The following SH3RF3 variants were observed in gnomAD, a reference collection of about 807,000 sequenced individuals.
The protein encoded by SH3RF3 is SH3 domain containing ring finger 3.
A neutral mutation model predicts 66.3 loss-of-function variants in SH3RF3; 29 were observed. The ratio of observed to expected loss-of-function variants is 0.44; its 90% CI spans 0.33 to 0.60. SH3RF3 has a LOEUF of 0.60. Among genes scored for constraint, SH3RF3 ranks in the 20% least tolerant of loss-of-function variants. SH3RF3 has a pLI of 0.04. For synonymous variants in SH3RF3, 583 were observed against 532.0 expected, an observed-to-expected ratio of 1.10 and a Z score of -1.32; for missense variants, 1,194 against 1,190.9, an observed-to-expected ratio of 1.00 and a Z score of -0.04.
chr2:109,475,781 T>G (rs775491601), intron 8 of SH3RF3, among the ~76,000 whole-genome samples: 1 of 152,242 alleles, frequency 6.6e-6, no homozygotes, highest in Admixed American at 6.5e-5. Context: ...TCACCCTGGT[T>G]GAATTCCTGG....
chr2:109,362,406 T>C (rs1436847921), intron 2 of SH3RF3, among the ~76,000 whole-genome samples: 1 of 152,248 alleles, frequency 6.6e-6, no homozygotes, highest in Non-Finnish European at 1.5e-5. Flanking sequence ...TCTAATTTAA[T>C]GCTATTGTGG....
At chr2:109,391,961 G>A (rs1334003434) in intron 3 of SH3RF3, among the ~76,000 whole-genome samples, 1 of 152,058 alleles carries the variant, frequency 6.6e-6, no homozygotes, top group Non-Finnish European at 1.5e-5. Context: ...AGGACCACAG[G>A]TGCATGCCAC....
At chr2:109,471,170 GCCATTGCACT>G (rs1559101046) in intron 8 of SH3RF3, among the ~76,000 whole-genome samples, 1 of 134,584 alleles carries the variant, frequency 7.4e-6, no homozygotes, top group African/African-American at 3.0e-5. Flanking sequence ...CCGAGATCGT[GCCATTGCACT>G]CCAGCCTGGG....
chr2:109,321,016 C>T (rs1037138067), intron 1 of SH3RF3, among the ~76,000 whole-genome samples: 1 of 152,162 alleles, frequency 6.6e-6, no homozygotes, highest in Non-Finnish European at 1.5e-5. Flanking sequence ...ATAGATTGTT[C>T]CATGGGAGCT....
At chr2:109,451,401 A>G (rs1482690338) in intron 8 of SH3RF3, among the ~76,000 whole-genome samples, 4 of 152,214 alleles carry the variant, frequency 2.6e-5, no homozygotes, top group Non-Finnish European at 5.9e-5. Context: ...AACCAGGGGC[A>G]GACTTGGAAA....
At chr2:109,182,980 TCTC>T (rs1007702254) in intron 1 of SH3RF3, among the ~76,000 whole-genome samples, 36 of 152,340 alleles carry the variant, frequency 2.4e-4, no homozygotes, top group African/African-American at 8.7e-4. Context: ...CCATTTTGGG[TCTC>T]CTAACAGGTT....
intron 1 of SH3RF3, among the ~76,000 whole-genome samples, chr2:109,241,218 T>G (rs892718333): frequency 2.7e-5 from 4 of 149,926 alleles, no homozygotes; most frequent in African/African-American, 1.0e-4. Context: ...AAAAAGCAGT[T>G]TGTTTGTCTC....
intron 1 of SH3RF3, among the ~76,000 whole-genome samples, chr2:109,164,384 G>C (rs1241057714): frequency 2.0e-5 from 3 of 152,150 alleles, no homozygotes; most frequent in Non-Finnish European, 4.4e-5. Context: ...GGGTCTTGCT[G>C]TGTTGCTCAG....
In SH3RF3 at chr2:109,265,524, CAGTATAGGCT is replaced by C. The variant is rs1680467850; in HGVS notation, c.574-82149_574-82140del. On this transcript the variant is annotated intron_variant, in intron 1 of 9. Transcript: ENST00000309415. The stretch of plus-strand genomic sequence containing the variant: ...TGCCCACCCTTAGGCTGCTATAGGC[CAGTATAGGCT>C]GGGGTCCCTGCAAGCCCAGGTCTCC... 3.3e-5 allele frequency among the ~76,000 whole-genome samples: 5 copies of C among 152,280 alleles called. No homozygotes were observed. In the South Asian group the frequency reaches 1.0e-3, roughly 32 times the overall value.
At chr2:109,442,517 TGAAA>T (rs1233786509) in intron 7 of SH3RF3, among the ~76,000 whole-genome samples, 1 of 152,114 alleles carries the variant, frequency 6.6e-6, no homozygotes. Context: ...TAAACAAAAG[TGAAA>T]GCAATCTAGT....
Position 109,286,966 on chromosome 2 carries a change from C to T in SH3RF3, c.574-60708C>T, listed in dbSNP as rs534239445. Among the ~76,000 whole-genome samples the T allele has an allele frequency of 2.0e-5, 3 of 152,346 alleles. No homozygotes were observed. The South Asian group carries it at 6.2e-4, about 32-fold the overall frequency. On this transcript the variant is annotated intron_variant, in intron 1 of 9. Transcript: ENST00000309415. ...ACCCTGCCCAGGTGGTTCCGCCATC[C>T]TCCACAGACTGGCAGCACTGAAATG...
chr2:109,500,108 C>T (rs988673867), intron 9 of SH3RF3, among the ~76,000 whole-genome samples: 1 of 152,106 alleles, frequency 6.6e-6, no homozygotes, highest in African/African-American at 2.4e-5. Flanking sequence ...AACCCACAGT[C>T]GATTCTTTTG....
At chr2:109,307,873 G>T (rs1419194588) in intron 1 of SH3RF3, among the ~76,000 whole-genome samples, 1 of 127,560 alleles carries the variant, frequency 7.8e-6, no homozygotes, top group Non-Finnish European at 1.6e-5. Flanking sequence ...GAATAATGCC[G>T]CAGTAAACAT....
chr2:109,447,324 G>A lies in SH3RF3; in HGVS notation c.1829-1846G>A, dbSNP rs934528105. Reference sequence around the variant, plus strand: ...CGCTTCACACACGGCTGTGTCAGAAGAAGGCCTGACTCCCAGATGGAGAGC... The same window carrying A: ...CGCTTCACACACGGCTGTGTCAGAAAAAGGCCTGACTCCCAGATGGAGAGC... On this transcript the variant is annotated intron_variant, in intron 7 of 9. Transcript: ENST00000309415. Among the ~76,000 whole-genome samples, 26 of 152,234 alleles carry A rather than the reference G, an allele frequency of 1.7e-4. No individual in the cohort carries two copies. In the Middle Eastern group the frequency reaches 0.014, roughly 80 times the overall value.
At chr2:109,236,128 A>AT (rs1679643332) in intron 1 of SH3RF3, among the ~76,000 whole-genome samples, 1 of 152,196 alleles carries the variant, frequency 6.6e-6, no homozygotes, top group Non-Finnish European at 1.5e-5. Context: ...TCCAAGATCA[A>AT]TAGTTTATTT....
At chr2:109,416,736 A>G (rs1676733473) in intron 4 of SH3RF3, among the ~76,000 whole-genome samples, 1 of 151,732 alleles carries the variant, frequency 6.6e-6, no homozygotes, top group Admixed American at 6.6e-5. Flanking sequence ...TCTCAATACA[A>G]CAACAACAAC....
chr2:109,275,225 C>T (rs900462776), intron 1 of SH3RF3, among the ~76,000 whole-genome samples: 4 of 152,164 alleles, frequency 2.6e-5, no homozygotes, highest in African/African-American at 2.4e-5. Context: ...AGTGAGGCCC[C>T]GCAGAGGCTG....
intron 3 of SH3RF3, among the ~76,000 whole-genome samples, chr2:109,397,091 G>A (rs748258329): frequency 3.1e-4 from 47 of 152,262 alleles, no homozygotes; most frequent in African/African-American, 1.1e-3. Flanking sequence ...GCCCAGTTGT[G>A]CTGCTGCAGA....
At chr2:109,384,813 G>A (rs1404678187) in intron 3 of SH3RF3, among the ~76,000 whole-genome samples, 4 of 152,170 alleles carry the variant, frequency 2.6e-5, no homozygotes, top group Non-Finnish European at 5.9e-5. Context: ...TGGGGATGTG[G>A]GCAGAAGGCC....
Sources: allele counts gnomAD v4.1 joint callset (sites outside exome capture counted in the v4.1 genomes callset), GRCh38; gene constraint gnomAD v4.1.1; transcripts MANE v1.5; gene names NCBI Gene and HGNC (gene_info 2026-07-23, HGNC 2026-07-21).